BCAS3: variants seen among roughly 807,000 people sequenced by gnomAD.
The protein encoded by BCAS3 is BCAS3 microtubule associated cell migration factor, also known as BCAS4/BCAS3 fusion.
BCAS3 carries 53 observed loss-of-function variants against 116.1 expected under a neutral mutation model. That is an observed-to-expected ratio of 0.46 (90% CI 0.37 to 0.57). The LOEUF (loss-of-function observed/expected upper bound fraction) is 0.57. Among genes scored for constraint, BCAS3 ranks in the 20% least tolerant of loss-of-function variants. BCAS3 has a pLI of 0.00. For missense variants in BCAS3, 917 were observed against 1,165.4 expected (o/e 0.79, Z 3.10); for synonymous variants, 391 against 408.2 (o/e 0.96, Z 0.51).
chr17:61,123,339 A>G (rs2143821123), intron 22 of BCAS3, among the ~76,000 whole-genome samples: 1 of 152,252 alleles, frequency 6.6e-6, no homozygotes. Context: ...CTTCCCTGCC[A>G]ATATCGCTGT....
chr17:60,977,121 C>A (rs1274654734), intron 14 of BCAS3, among the ~76,000 whole-genome samples: 1 of 151,808 alleles, frequency 6.6e-6, no homozygotes, highest in Non-Finnish European at 1.5e-5. Context: ...CCCCCCACCT[C>A]CCGGACAGGG....
chr17:61,165,947 TG>T (rs2078465424), intron 22 of BCAS3, among the ~76,000 whole-genome samples: 1 of 152,176 alleles, frequency 6.6e-6, no homozygotes, highest in East Asian at 1.9e-4. Flanking sequence ...GTGATAGAGC[TG>T]GAAGTCAAAC....
intron 6 of BCAS3, among the ~76,000 whole-genome samples, chr17:60,781,568 C>G (rs2045837571): frequency 6.6e-6 from 1 of 152,094 alleles, no homozygotes; most frequent in African/African-American, 2.4e-5. Context: ...CACTGTACTC[C>G]AGCCTGGATG....
intron 4 of BCAS3, among the ~76,000 whole-genome samples, chr17:60,703,349 G>A (rs545948321): frequency 2.8e-4 from 42 of 152,096 alleles, no homozygotes; most frequent in Admixed American, 7.9e-4. Flanking sequence ...AGCACTTTGG[G>A]AGACTGAGGC....
At chr17:60,963,924 C>CA (rs2061536090) in intron 14 of BCAS3, among the ~76,000 whole-genome samples, 1 of 152,198 alleles carries the variant, frequency 6.6e-6, no homozygotes, top group African/African-American at 2.4e-5. Context: ...TCAGCTGTAA[C>CA]AATTTTTTGG....
At chr17:60,980,207 TGGGCGGAA>T (rs908891973) in intron 14 of BCAS3, among the ~76,000 whole-genome samples, 1 of 152,210 alleles carries the variant, frequency 6.6e-6, no homozygotes, top group Admixed American at 6.5e-5. Context: ...ATTAAACTTC[TGGGCGGAA>T]GCACTTTCTA....
At chr17:61,167,461 G>C (rs760252059) in intron 22 of BCAS3, among the ~76,000 whole-genome samples, 1 of 152,094 alleles carries the variant, frequency 6.6e-6, no homozygotes, top group Non-Finnish European at 1.5e-5. Context: ...CTCTCTCCTT[G>C]AACTGTAGAT....
intron 14 of BCAS3, among the ~76,000 whole-genome samples, chr17:60,984,833 A>G (rs1842216755): frequency 6.6e-6 from 1 of 151,848 alleles, no homozygotes; most frequent in African/African-American, 2.4e-5. Flanking sequence ...AAGATGGTGA[A>G]ACCCCATCTC....
At chr17:61,009,601 T>C (rs1600437362) in intron 15 of BCAS3, among the ~76,000 whole-genome samples, 1 of 152,078 alleles carries the variant, frequency 6.6e-6, no homozygotes, top group African/African-American at 2.4e-5. Flanking sequence ...TTTTTAAAGG[T>C]AGAAAGGATG....
chr17:60,725,600 A>G (rs1323658532), intron 5 of BCAS3, among the ~76,000 whole-genome samples: 2 of 152,006 alleles, frequency 1.3e-5, no homozygotes, highest in African/African-American at 4.8e-5. Flanking sequence ...CCATTTGGCT[A>G]TTTTTTTCAT....
chr17:61,157,444 T>A (rs2077913538), intron 22 of BCAS3: 1 of 152,164 alleles, frequency 6.6e-6, no homozygotes, highest in Non-Finnish European at 1.5e-5. Context: ...CTTACTCCCC[T>A]TGTTTGTTGC....
rs1157611924 is a variant in BCAS3 at position 60,936,094 on chromosome 17, T to C, written c.1088-11125T>C. 3.3e-5 allele frequency among the ~76,000 whole-genome samples: 5 copies of C among 149,950 alleles called. No homozygotes were observed. The Admixed American group carries it at 3.4e-4, about 10-fold the overall frequency. ...TCATTGTTCAATTCCTACCTATGAG[T>C]GAGAACATGCAGTGTTTGGTTTTTT... On this transcript the variant is annotated intron_variant, in intron 13 of 23. Coordinates refer to ENST00000407086, the MANE Select transcript of BCAS3 (RefSeq NM_017679.5).
rs1275429813 is a variant in BCAS3 at position 60,874,744 on chromosome 17, T to C, written c.661+6T>C. The stretch of plus-strand genomic sequence containing the variant: ...GAAGAAATTCTTTGTTACAAGTATG[T>C]ACCAATTTTTTTTCCCTTCTTATGC... On this transcript the variant is annotated splice_donor_region_variant and intron_variant, in intron 9 of 23. Coordinates refer to ENST00000407086, the MANE Select transcript of BCAS3 (RefSeq NM_017679.5). 6.2e-7 allele frequency: 1 copy of C among 1,600,706 alleles called. No homozygotes were observed. Among genetic ancestry groups the C allele is most frequent in the Non-Finnish European group, 8.5e-7 (1 of 1,171,018 alleles).
At chr17:60,966,190 C>G (rs529157792) in intron 14 of BCAS3, among the ~76,000 whole-genome samples, 1 of 152,180 alleles carries the variant, frequency 6.6e-6, no homozygotes, top group Non-Finnish European at 1.5e-5. Flanking sequence ...TCTTTTCTCA[C>G]CCCTTCACTT....
chr17:60,937,829 T>C (rs543102707), intron 13 of BCAS3, among the ~76,000 whole-genome samples: 129 of 152,322 alleles, frequency 8.5e-4, no homozygotes, highest in Non-Finnish European at 1.4e-3. Flanking sequence ...GCAATTATTG[T>C]CTATGACATG....
intron 22 of BCAS3, among the ~76,000 whole-genome samples, chr17:61,274,814 T>C (rs775294679): frequency 5.3e-5 from 8 of 152,160 alleles, no homozygotes; most frequent in South Asian, 4.1e-4. Flanking sequence ...CTGTTTCTAT[T>C]GCTAGGAAAC....
intron 4 of BCAS3, among the ~76,000 whole-genome samples, chr17:60,694,564 G>A (rs970970438): frequency 3.3e-5 from 5 of 151,562 alleles, no homozygotes; most frequent in East Asian, 1.9e-4. Context: ...CCTAGGTGTC[G>A]AACTTCTGGG....
rs2059990976 is a variant in BCAS3 at position 61,388,933 on chromosome 17, A to C, written c.2594-3044A>C. 1 of 534,028 alleles carries C rather than the reference A, an allele frequency of 1.9e-6. No individual in the cohort carries two copies. Among genetic ancestry groups the C allele is most frequent in the Non-Finnish European group, 3.3e-6 (1 of 300,752 alleles). The allele number at this position is 534,028 out of a possible 1,614,324, so 33.1% of individuals were successfully genotyped here. Reference sequence around the variant, plus strand: ...TTCTTTCAGTTAGTCTGTGTTGAAGAATGGGCCCCCACCTCCCCTTACCAC... The same window carrying C: ...TTCTTTCAGTTAGTCTGTGTTGAAGCATGGGCCCCCACCTCCCCTTACCAC... On this transcript the variant is annotated intron_variant, in intron 23 of 23. Transcript: ENST00000407086. This position sits in a 1 kb window ranked among gnomAD's most constrained non-coding sequence, Gnocchi z 6.5.
intron 6 of BCAS3, among the ~76,000 whole-genome samples, chr17:60,799,584 A>G (rs1164630909): frequency 3.0e-5 from 4 of 131,670 alleles, no homozygotes; most frequent in Admixed American, 2.6e-4. Flanking sequence ...GCTGGAGTGC[A>G]GTGGCCTGAT....
Sources: gnomAD v4.1 joint callset for allele counts (sites outside exome capture counted in the v4.1 genomes callset) on GRCh38, gnomAD v4.1.1 for gene constraint, Gnocchi (gnomAD v3.1) non-coding constraint, MANE v1.5 for transcripts, NCBI Gene and HGNC (gene_info 2026-07-23, HGNC 2026-07-21) for gene names.